ZNF469: variants seen among roughly 807,000 people sequenced by gnomAD.
ZNF469 encodes zinc finger protein 469.
Under a neutral mutation model 1.0 loss-of-function variants are expected in ZNF469, and 1 was observed. The ratio of observed to expected loss-of-function variants is 1.00; its 90% CI spans 0.35 to 4.73. The LOEUF is 4.73. Among genes scored for constraint, ZNF469 ranks in the 30% most tolerant of loss-of-function variants. The pLI is 0.16. For missense variants in ZNF469, 6,100 were observed against 5,356.3 expected (o/e 1.14, Z -4.33); for synonymous variants, 2,703 against 2,363.4 (o/e 1.14, Z -4.17).
At position 88,437,581 on chromosome 16, in the gene ZNF469, C is replaced by G. The variant is rs1369970562; in HGVS notation, c.10111C>G (p.Pro3371Ala). The G allele has an allele frequency of 6.5e-7, 1 of 1,536,550 alleles. No individual in the cohort carries two copies. The highest frequency in any genetic ancestry group is 1.2e-5 in the South Asian group (1 of 83,628). The change falls in exon 3 of 3, where the codon CCC becomes GCC. Residue 3371 changes from proline (P) to alanine (A), a missense_variant. Pro to Ala is a conservative substitution (Grantham distance 27, BLOSUM62 -1). Coordinates refer to ENST00000565624, the MANE Select transcript of ZNF469 (RefSeq NM_001367624.2). ...PQRVYLCPRC[P>A]RVYPEHGELL... The stretch of plus-strand genomic sequence containing the variant: ...GCGCGTCTACCTGTGCCCCCGGTGC[C>G]CCCGGGTCTACCCCGAGCACGGGGA...
the ZNF469 span, among the ~76,000 whole-genome samples, chr16:88,164,397 A>G: frequency 6.6e-6 from 1 of 151,820 alleles, no homozygotes; most frequent in Non-Finnish European, 1.5e-5. Context: ...GGAATGGTAG[A>G]TGTACAGATG....
the ZNF469 span, among the ~76,000 whole-genome samples, chr16:88,275,094 C>G: frequency 2.2e-4 from 34 of 152,334 alleles, no homozygotes; most frequent in African/African-American, 7.0e-4. Flanking sequence ...AGATAGGGCA[C>G]AAATGCTCCC....
chr16:88,378,239 G>A (rs906111734), upstream of ZNF469, among the ~76,000 whole-genome samples: 12 of 152,162 alleles, frequency 7.9e-5, no homozygotes, highest in Admixed American at 2.0e-4. Context: ...CACACGGCGG[G>A]CAGGGAGCAG....
chr16:88,117,174 CATGTGA>C, the ZNF469 span, among the ~76,000 whole-genome samples: 1 of 149,020 alleles, frequency 6.7e-6, no homozygotes, highest in Non-Finnish European at 1.5e-5. Context: ...GAACTGGGGG[CATGTGA>C]GGGCCGGGGA....
chr16:88,245,313 G>T, the ZNF469 span, among the ~76,000 whole-genome samples: 3 of 152,254 alleles, frequency 2.0e-5, no homozygotes, highest in African/African-American at 7.2e-5. Flanking sequence ...CTGTGACTCA[G>T]TCCTGCAGGC....
At chr16:88,336,831 A>C in the ZNF469 span, among the ~76,000 whole-genome samples, 1 of 152,166 alleles carries the variant, frequency 6.6e-6, no homozygotes, top group East Asian at 1.9e-4. Context: ...CATCATCCCC[A>C]AAACAAACCC....
chr16:88,306,599 G>A, the ZNF469 span, among the ~76,000 whole-genome samples: 1 of 152,166 alleles, frequency 6.6e-6, no homozygotes, highest in South Asian at 2.1e-4. Flanking sequence ...ACAGCCTGAA[G>A]CCCCATGACT....
At chr16:88,272,590 G>T in the ZNF469 span, among the ~76,000 whole-genome samples, 2 of 151,860 alleles carry the variant, frequency 1.3e-5, no homozygotes, top group East Asian at 1.9e-4. Context: ...GAATGAACAG[G>T]TTGGTGTATG....
the ZNF469 span, among the ~76,000 whole-genome samples, chr16:88,345,669 G>A: frequency 1.3e-5 from 2 of 152,188 alleles, no homozygotes; most frequent in African/African-American, 4.8e-5. Context: ...GGAGCCTCTG[G>A]CTCACCATGC....
At chr16:88,279,899 A>G in the ZNF469 span, among the ~76,000 whole-genome samples, 5,286 of 64,980 alleles carry the variant, frequency 0.081, 1,006 homozygotes, top group South Asian at 0.11. Context: ...TTAGTGCTGC[A>G]CCACGCCGAC....
the ZNF469 span, among the ~76,000 whole-genome samples, chr16:88,221,322 C>A: frequency 6.6e-6 from 1 of 152,228 alleles, no homozygotes; most frequent in Non-Finnish European, 1.5e-5. Flanking sequence ...AGCGAGATAG[C>A]GCAGAGGAAA....
At chr16:88,284,335 C>T in the ZNF469 span, among the ~76,000 whole-genome samples, 2 of 152,330 alleles carry the variant, frequency 1.3e-5, no homozygotes, top group East Asian at 3.9e-4. Flanking sequence ...CCTATAATCC[C>T]AGCCTCCTGA....
chr16:88,266,371 G>A, the ZNF469 span, among the ~76,000 whole-genome samples: 1 of 152,262 alleles, frequency 6.6e-6, no homozygotes, highest in South Asian at 2.1e-4. Flanking sequence ...GCTTCCAGGT[G>A]TCAGGCCCCA....
chr16:88,149,968 C>T, the ZNF469 span, among the ~76,000 whole-genome samples: 7 of 152,198 alleles, frequency 4.6e-5, no homozygotes, highest in African/African-American at 1.7e-4. Flanking sequence ...TGTTGCCTAC[C>T]TCTGTCAGGC....
At chr16:88,245,006 C>A in the ZNF469 span, among the ~76,000 whole-genome samples, 2 of 151,936 alleles carry the variant, frequency 1.3e-5, no homozygotes, top group East Asian at 3.9e-4. Flanking sequence ...GAAGACTAGG[C>A]CTTGTCCTAC....
chr16:88,130,547 G>C, the ZNF469 span, among the ~76,000 whole-genome samples: 33,151 of 151,108 alleles, frequency 0.22, 4,066 homozygotes, highest in East Asian at 0.47. Flanking sequence ...CTCTACTAAC[G>C]ATACAAAAAT....
At chr16:88,275,263 C>T in the ZNF469 span, among the ~76,000 whole-genome samples, 3 of 152,184 alleles carry the variant, frequency 2.0e-5, no homozygotes, top group East Asian at 5.8e-4. Context: ...CTGGGGAGGC[C>T]GAACAGTGGA....
At chr16:88,328,867 C>T in the ZNF469 span, among the ~76,000 whole-genome samples, 1 of 152,012 alleles carries the variant, frequency 6.6e-6, no homozygotes, top group Admixed American at 6.6e-5. Context: ...GTGGGGGAGA[C>T]GCAGTTTGGC....
intron 1 of ZNF469, among the ~76,000 whole-genome samples, chr16:88,419,139 G>A (rs75345926): frequency 0.019 from 2,835 of 152,346 alleles, 44 homozygotes; most frequent in East Asian, 0.083. Flanking sequence ...GCTGCCCAGC[G>A]GTGCTGGCAC....
Sources: gnomAD v4.1 joint callset for allele counts (sites outside exome capture counted in the v4.1 genomes callset) on GRCh38, gnomAD v4.1.1 for gene constraint, MANE v1.5 for transcripts, NCBI Gene and HGNC (gene_info 2026-07-23, HGNC 2026-07-21) for gene names.